DNAH7: variants seen among roughly 807,000 people sequenced by gnomAD.
DNAH7 encodes the protein dynein axonemal heavy chain 7, also known as axonemal beta dynein heavy chain 7.
DNAH7 carries 397 observed loss-of-function variants against 444.6 expected under a neutral mutation model. The observed-to-expected ratio is 0.89, with a 90% confidence interval of 0.82 to 0.97. The LOEUF is 0.97. Ranked by LOEUF, DNAH7 falls within the 50% of genes least tolerant of loss-of-function variation. The probability of loss-of-function intolerance (pLI) is 0.00; values close to 1 mark genes in which losing one functional copy is unlikely to be tolerated. For synonymous variants in DNAH7, 1,636 were observed against 1,624.4 expected, an observed-to-expected ratio of 1.01 and a Z score of -0.17; for missense variants, 4,902 against 4,800.8, an observed-to-expected ratio of 1.02 and a Z score of -0.62.
chr2:195,761,054 A>G (rs1694326004), intron 61 of DNAH7, among the ~76,000 whole-genome samples: 1 of 152,134 alleles, frequency 6.6e-6, no homozygotes, highest in Non-Finnish European at 1.5e-5. Flanking sequence ...GAGAATTCAA[A>G]TAAGTGTTTT....
intron 61 of DNAH7, among the ~76,000 whole-genome samples, chr2:195,768,405 T>TA (rs1694686311): frequency 1.3e-5 from 2 of 151,782 alleles, no homozygotes; most frequent in Admixed American, 6.6e-5. Flanking sequence ...TCAGCAACTA[T>TA]AAAACTATCT....
chr2:195,960,465 T>C lies in DNAH7; in HGVS notation c.2686A>G (p.Ser896Gly). The change falls in exon 18 of 65, where the codon AGC becomes GGC. Residue 896 changes from serine (S) to glycine (G), a missense_variant. Physicochemically the swap from Ser to Gly is moderately conservative, Grantham distance 56. Coordinates refer to ENST00000312428, the MANE Select transcript of DNAH7 (RefSeq NM_018897.3). ...DRFEGISEAA[S>G]KEYSLEKAME... Reference sequence around the variant, plus strand: ...GCCTTTTCAAGAGAATATTCTTTGCTAGCTGCTTCACTAATACCTTCAAAT... The same window carrying C: ...GCCTTTTCAAGAGAATATTCTTTGCCAGCTGCTTCACTAATACCTTCAAAT... 6.2e-7 allele frequency: 1 copy of C among 1,614,206 alleles called. No individual in the cohort carries two copies. The highest frequency in any genetic ancestry group is 1.3e-5 in the African/African-American group (1 of 75,068).
At chr2:195,765,861 G>A (rs912140507) in intron 61 of DNAH7, among the ~76,000 whole-genome samples, 1 of 152,056 alleles carries the variant, frequency 6.6e-6, no homozygotes, top group African/African-American at 2.4e-5. Flanking sequence ...ATATGATCCA[G>A]CAATCCTACT....
chr2:195,945,527 T>C (rs1164854186), intron 19 of DNAH7, among the ~76,000 whole-genome samples: 1 of 152,194 alleles, frequency 6.6e-6, no homozygotes, highest in African/African-American at 2.4e-5. Flanking sequence ...TTTCACTTTT[T>C]CCATCCAAAT....
At chr2:195,831,120 G>C (rs1425136318) in intron 48 of DNAH7, among the ~76,000 whole-genome samples, 2 of 151,964 alleles carry the variant, frequency 1.3e-5, no homozygotes, top group African/African-American at 4.8e-5. Context: ...TTTTTTTATA[G>C]ATTCAATGGA....
intron 29 of DNAH7, among the ~76,000 whole-genome samples, chr2:195,896,613 T>C (rs1702333545): frequency 6.6e-6 from 1 of 152,224 alleles, no homozygotes; most frequent in South Asian, 2.1e-4. Flanking sequence ...GCTTAATAAA[T>C]GTTTGCTGAA....
At chr2:195,941,407 A>G (rs1016277961) in intron 19 of DNAH7, among the ~76,000 whole-genome samples, 1 of 150,158 alleles carries the variant, frequency 6.7e-6, no homozygotes, top group Non-Finnish European at 1.5e-5. Flanking sequence ...GCATTAGGAC[A>G]AACACCTAAT....
chr2:195,965,279 T>C (rs1045836751), intron 17 of DNAH7, among the ~76,000 whole-genome samples: 1 of 152,216 alleles, frequency 6.6e-6, no homozygotes, highest in African/African-American at 2.4e-5. Flanking sequence ...TTGATTGATA[T>C]GTTTATGTAG....
intron 24 of DNAH7, among the ~76,000 whole-genome samples, chr2:195,918,219 A>G (rs751112826): frequency 1.3e-5 from 2 of 152,236 alleles, no homozygotes; most frequent in Non-Finnish European, 2.9e-5. Flanking sequence ...GGAATTGCAA[A>G]ATAAAGCAAA....
At position 196,028,716 on chromosome 2, in the gene DNAH7, T is replaced by C. The variant is rs1330475303; in HGVS notation, c.399-669A>G. Among the ~76,000 whole-genome samples the C allele has an allele frequency of 8.5e-5, 13 of 152,200 alleles. No individual in the cohort carries two copies. The East Asian group carries it at 2.5e-3, about 29-fold the overall frequency. Reference sequence around the variant, plus strand: ...AAAATAAGTTGTTGTGGGATAGCTTTAACCTCTTTATAATTGACTGTATCA... The same window carrying C: ...AAAATAAGTTGTTGTGGGATAGCTTCAACCTCTTTATAATTGACTGTATCA... On this transcript the variant is annotated intron_variant, in intron 5 of 64. Transcript: ENST00000312428.
intron 5 of DNAH7, 129 bp from the exon 6 acceptor site, chr2:196,028,176 C>A (rs1371544539): frequency 1.4e-6 from 1 of 694,220 alleles, no homozygotes; most frequent in Non-Finnish European, 2.3e-6. Flanking sequence ...GAACATTTTA[C>A]AAACAGCATA....
chr2:195,818,496 G>C (rs1697322996), intron 49 of DNAH7, among the ~76,000 whole-genome samples: 1 of 152,060 alleles, frequency 6.6e-6, no homozygotes, highest in African/African-American at 2.4e-5. Flanking sequence ...CCATAAGCAT[G>C]CAAACATGCT....
chr2:195,927,368 A>T (rs1273408705), intron 21 of DNAH7, among the ~76,000 whole-genome samples: 1 of 152,066 alleles, frequency 6.6e-6, no homozygotes, highest in African/African-American at 2.4e-5. Flanking sequence ...CTGGATTTCT[A>T]CTCTTGCTGG....
intron 62 of DNAH7, among the ~76,000 whole-genome samples, chr2:195,755,916 A>C (rs1288042238): frequency 6.6e-6 from 1 of 152,184 alleles, no homozygotes; most frequent in Non-Finnish European, 1.5e-5. Context: ...TAGTGGAAAA[A>C]CCAACATAGC....
At chr2:195,889,792 C>A (rs552353167) in intron 31 of DNAH7, among the ~76,000 whole-genome samples, 2 of 152,312 alleles carry the variant, frequency 1.3e-5, no homozygotes, top group African/African-American at 4.8e-5. Context: ...ATCCCCTTCA[C>A]TGAATGAATT....
Position 196,061,274 on chromosome 2 carries a change from T to C in DNAH7, c.16-3158A>G, listed in dbSNP as rs542745852. On this transcript the variant is annotated intron_variant, in intron 1 of 64. Coordinates refer to ENST00000312428, the MANE Select transcript of DNAH7 (RefSeq NM_018897.3). ...TATGTTTCCTTTCTAATTGACCCCATCCAGCCCAAATATTTTAAATATTAC... is the reference window on the plus strand; with the variant it reads ...TATGTTTCCTTTCTAATTGACCCCACCCAGCCCAAATATTTTAAATATTAC... 3.9e-5 allele frequency among the ~76,000 whole-genome samples: 6 copies of C among 152,200 alleles called. No homozygotes were observed. The East Asian group carries it at 9.6e-4, about 24-fold the overall frequency.
chr2:195,948,096 T>C (rs1689943495), intron 19 of DNAH7, among the ~76,000 whole-genome samples: 1 of 152,238 alleles, frequency 6.6e-6, no homozygotes, highest in African/African-American at 2.4e-5. Context: ...TGTCTTCTTT[T>C]GAGAAGTGTC....
intron 24 of DNAH7, among the ~76,000 whole-genome samples, chr2:195,918,044 A>C (rs1018609893): frequency 1.3e-5 from 2 of 152,236 alleles, no homozygotes; most frequent in African/African-American, 4.8e-5. Flanking sequence ...GTATCAGATA[A>C]AAGACTTGTA....
intron 46 of DNAH7, among the ~76,000 whole-genome samples, chr2:195,846,670 G>C (rs770672627): frequency 1.3e-5 from 2 of 152,148 alleles, no homozygotes; most frequent in African/African-American, 2.4e-5. Flanking sequence ...AGTCAGCTGG[G>C]AAAGGCAGAC....
Sources: allele counts gnomAD v4.1 joint callset (sites outside exome capture counted in the v4.1 genomes callset), GRCh38; gene constraint gnomAD v4.1.1; transcripts MANE v1.5; gene names NCBI Gene and HGNC (gene_info 2026-07-23, HGNC 2026-07-21).